Variants in PDE4D observed in about 807,000 individuals in gnomAD.
PDE4D encodes phosphodiesterase 4D.
PDE4D carries 24 observed loss-of-function variants against 87.4 expected under a neutral mutation model. The ratio of observed to expected loss-of-function variants is 0.27; its 90% confidence interval spans 0.20 to 0.39. The LOEUF (loss-of-function observed/expected upper bound fraction) is 0.39. Ranked by LOEUF, PDE4D falls within the 10% of genes least tolerant of loss-of-function variation. The pLI, the probability that PDE4D is intolerant of heterozygous loss-of-function variation, is 1.00. For missense variants in PDE4D, 714 were observed against 1,041.0 expected (o/e 0.69, Z 4.32); for synonymous variants, 384 against 383.2 (o/e 1.00, Z -0.02).
Position 60,328,401 on chromosome 5 carries a change from C to A in PDE4D, c.-89-142714G>T, listed in dbSNP as rs75319518. Among the ~76,000 whole-genome samples, 1,827 of 152,210 alleles carry A rather than the reference C, an allele frequency of 0.012. 60 individuals carry two copies. The East Asian group carries it at 0.13, about 11-fold the overall frequency. Reference sequence around the variant, plus strand: ...TTTTTGAACTTTATACAAATGGAATCAAGTCATTCAGTATGTACTCTTTTT... The same window carrying A: ...TTTTTGAACTTTATACAAATGGAATAAAGTCATTCAGTATGTACTCTTTTT... On this transcript the variant is annotated intron_variant, in intron 1 of 16. Coordinates refer to the PDE4D transcript ENST00000502484.
intron 1 of PDE4D, among the ~76,000 whole-genome samples, chr5:60,449,620 GTAC>G (rs1346178925): frequency 6.6e-6 from 1 of 150,884 alleles, no homozygotes; most frequent in Non-Finnish European, 1.5e-5. Flanking sequence ...TTGTGCACAT[GTAC>G]CCTAAAACTT....
chr5:59,875,741 C>A (rs1274275601), intron 1 of PDE4D, among the ~76,000 whole-genome samples: 1 of 152,066 alleles, frequency 6.6e-6, no homozygotes. Context: ...ATTGAAAGAA[C>A]CTGAACTTTG....
At chr5:59,710,806 T>G (rs1369880609) in intron 1 of PDE4D, among the ~76,000 whole-genome samples, 1 of 152,158 alleles carries the variant, frequency 6.6e-6, no homozygotes, top group Non-Finnish European at 1.5e-5. Flanking sequence ...ATTTCAATTA[T>G]GTTATAAAGA....
At chr5:59,446,487 A>C (rs1798369359) in intron 1 of PDE4D, among the ~76,000 whole-genome samples, 1 of 152,220 alleles carries the variant, frequency 6.6e-6, no homozygotes, top group Admixed American at 6.5e-5. Flanking sequence ...ATTTTGACTC[A>C]AAATAGCATT....
chr5:60,520,265 G>A (rs1246716690), intron 1 of PDE4D, among the ~76,000 whole-genome samples: 1 of 152,026 alleles, frequency 6.6e-6, no homozygotes, highest in Non-Finnish European at 1.5e-5. Flanking sequence ...GGTTCCTCCT[G>A]TACCCCAACC....
intron 1 of PDE4D, among the ~76,000 whole-genome samples, chr5:59,244,714 GTGTGTGTGTA>G (rs1479539225): frequency 2.1e-4 from 30 of 143,328 alleles, no homozygotes; most frequent in Admixed American, 4.2e-4. Context: ...GTGTGTGTGT[GTGTGTGTGTA>G]TAGAGAGACC....
intron 2 of PDE4D, among the ~76,000 whole-genome samples, chr5:60,020,820 C>A (rs554549217): frequency 6.6e-6 from 1 of 152,316 alleles, no homozygotes; most frequent in South Asian, 2.1e-4. Flanking sequence ...TAAGCCATTA[C>A]ATTAAGCCAC....
At chr5:59,226,508 AGTT>A (rs1380721590) in intron 1 of PDE4D, among the ~76,000 whole-genome samples, 1 of 152,174 alleles carries the variant, frequency 6.6e-6, no homozygotes, top group Non-Finnish European at 1.5e-5. Flanking sequence ...AGAAATGGAG[AGTT>A]GTTGTTCAAT....
intron 5 of PDE4D, among the ~76,000 whole-genome samples, chr5:59,104,058 A>G (rs186991162): frequency 3.3e-5 from 5 of 152,340 alleles, no homozygotes; most frequent in Non-Finnish European, 7.4e-5. Flanking sequence ...AACCTCAAAA[A>G]TGTTAGCTGA....
intron 1 of PDE4D, among the ~76,000 whole-genome samples, chr5:59,302,526 C>T (rs917556893): frequency 3.4e-5 from 5 of 148,244 alleles, no homozygotes; most frequent in African/African-American, 7.4e-5. Context: ...ATCCCTCACC[C>T]CCCTCCCACT....
At chr5:59,286,599 T>C (rs1334435970) in intron 1 of PDE4D, among the ~76,000 whole-genome samples, 1 of 152,190 alleles carries the variant, frequency 6.6e-6, no homozygotes, top group Non-Finnish European at 1.5e-5. Flanking sequence ...TTAGTCACTG[T>C]TTTTATTCTA....
rs546266932 is a variant in PDE4D, at chr5:59,500,893, CTCTT to C, written c.456-284929_456-284926del. On this transcript the variant is annotated intron_variant, in intron 1 of 14. Coordinates refer to ENST00000340635, the MANE Select transcript of PDE4D (RefSeq NM_001104631.2). ...TTTTTTTCTCCCCTTCTGATCTTCT[CTCTT>C]TCCACATTTTCACTTTCAGTGCTGT... Among the ~76,000 whole-genome samples the C allele has an allele frequency of 1.6e-3, 239 of 152,240 alleles. 2 individuals are homozygous for C. Among genetic ancestry groups the C allele is most frequent in the African/African-American group, 5.4e-3 (226 of 41,546 alleles).
chr5:59,716,377 C>T (rs376234215), intron 1 of PDE4D, among the ~76,000 whole-genome samples: 2 of 152,208 alleles, frequency 1.3e-5, no homozygotes, highest in Non-Finnish European at 2.9e-5. Flanking sequence ...GTTTTTCCAG[C>T]TACCCGCCAC....
chr5:59,054,309 G>A (rs536252556), intron 5 of PDE4D, among the ~76,000 whole-genome samples: 2 of 152,164 alleles, frequency 1.3e-5, no homozygotes, highest in East Asian at 3.9e-4. Flanking sequence ...GGCTTACAAA[G>A]TTTATTGACA....
intron 1 of PDE4D, among the ~76,000 whole-genome samples, chr5:59,871,450 G>C (rs1368161886): frequency 7.2e-5 from 11 of 152,150 alleles, no homozygotes; most frequent in Non-Finnish European, 1.5e-4. Context: ...GCAGTCTCCT[G>C]ACCCATGGAA....
At chr5:59,769,240 G>C (rs1195372731) in intron 1 of PDE4D, among the ~76,000 whole-genome samples, 2 of 152,036 alleles carry the variant, frequency 1.3e-5, no homozygotes, top group Admixed American at 6.6e-5. Flanking sequence ...CAAACAAAAG[G>C]TTTCAAAATA....
intron 1 of PDE4D, among the ~76,000 whole-genome samples, chr5:59,244,650 G>GTATA: frequency 7.4e-6 from 1 of 135,312 alleles, no homozygotes. Context: ...ACATATATAT[G>GTATA]TATAGATATA....
chr5:59,321,273 T>C (rs1394086424), intron 1 of PDE4D, among the ~76,000 whole-genome samples: 1 of 152,082 alleles, frequency 6.6e-6, no homozygotes. Context: ...ATGGCATTCT[T>C]GGAACCTGGC....
At chr5:59,799,645 C>T (rs1766895869) in intron 1 of PDE4D, among the ~76,000 whole-genome samples, 1 of 152,176 alleles carries the variant, frequency 6.6e-6, no homozygotes, top group African/African-American at 2.4e-5. Context: ...ATCATGCAAA[C>T]AGGCTGTGTG....
Sources: gnomAD v4.1 joint callset for allele counts (sites outside exome capture counted in the v4.1 genomes callset) on GRCh38, gnomAD v4.1.1 for gene constraint, MANE v1.5 for transcripts, NCBI Gene and HGNC (gene_info 2026-07-23, HGNC 2026-07-21) for gene names.